DLG2: variants seen among roughly 807,000 people sequenced by gnomAD.
The protein encoded by DLG2 is disks large homolog 2.
DLG2 carries 45 observed loss-of-function variants against 132.5 expected under a neutral mutation model. That is an observed-to-expected ratio of 0.34 (90% CI 0.27 to 0.44). The LOEUF is 0.44. DLG2 is among the 20% of genes least tolerant of loss of function. The pLI is 1.00. For synonymous variants in DLG2, 424 were observed against 419.6 expected (o/e 1.01, Z -0.13); for missense variants, 1,045 against 1,196.9 (o/e 0.87, Z 1.87).
At chr11:83,668,684 T>TATATATATGTGTATATAAACAC (rs71066057) in intron 18 of DLG2, among the ~76,000 whole-genome samples, 5 of 125,602 alleles carry the variant, frequency 4.0e-5, no homozygotes, top group Non-Finnish European at 6.5e-5. Context: ...TATGTATGTG[T>TATATATATGTGTATATAAACAC]ATATATATGT....
At chr11:84,769,244 T>C (rs969375285) in intron 6 of DLG2, among the ~76,000 whole-genome samples, 14 of 152,092 alleles carry the variant, frequency 9.2e-5, no homozygotes, top group African/African-American at 3.4e-4. Context: ...AAGAAACTTC[T>C]AAAGCAATCT....
rs111928895 is a variant in DLG2 at position 83,831,966 on chromosome 11, A to T, written c.1722+1648T>A. Among the ~76,000 whole-genome samples, 1,448 of 152,258 alleles carry T rather than the reference A, an allele frequency of 9.5e-3. 23 individuals carry two copies. Among genetic ancestry groups the T allele is most frequent in the African/African-American group, 0.033 (1,388 of 41,560 alleles). On this transcript the variant is annotated intron_variant, in intron 17 of 27. Coordinates refer to ENST00000376104, the MANE Select transcript of DLG2 (RefSeq NM_001142699.3). ...AGGGGGAAAGTGGCAATGAGATGGA[A>T]GAATGAAAAGAGGGAGGGAAGGGAT...
At chr11:83,516,041 C>G (rs1310634265) in intron 21 of DLG2, among the ~76,000 whole-genome samples, 1 of 152,170 alleles carries the variant, frequency 6.6e-6, no homozygotes, top group Non-Finnish European at 1.5e-5. Flanking sequence ...TCTATTAGGT[C>G]TGCTTGGTGC....
At chr11:83,766,923 A>C (rs66685127) in intron 18 of DLG2, among the ~76,000 whole-genome samples, 25,448 of 152,150 alleles carry the variant, frequency 0.17, 2,483 homozygotes, top group African/African-American at 0.26. Context: ...CCAGGGAAGA[A>C]ACTGTCTTCA....
chr11:85,521,592 A>G (rs1072253), intron 3 of DLG2, among the ~76,000 whole-genome samples: 27,111 of 152,082 alleles, frequency 0.18, 2,698 homozygotes, highest in East Asian at 0.31. Flanking sequence ...ACAGTTTGGA[A>G]GGCTGAGAAC....
intron 6 of DLG2, among the ~76,000 whole-genome samples, chr11:84,902,139 G>A (rs1392091959): frequency 6.6e-6 from 1 of 152,068 alleles, no homozygotes; most frequent in Non-Finnish European, 1.5e-5. Flanking sequence ...TTCTTGAATG[G>A]AAATCTGGAC....
intron 3 of DLG2, among the ~76,000 whole-genome samples, chr11:85,360,973 T>C (rs993212153): frequency 4.6e-5 from 7 of 152,194 alleles, no homozygotes; most frequent in Non-Finnish European, 8.8e-5. Context: ...TCATTGTATG[T>C]AAAGCTCTTC....
Position 83,472,787 on chromosome 11 carries a change from G to C in DLG2, c.2294-10C>G. On this transcript the variant is annotated splice_polypyrimidine_tract_variant and intron_variant, in intron 22 of 27. Transcript: ENST00000376104. The stretch of plus-strand genomic sequence containing the variant: ...AGGTCTTCTTGTCCTCCTGAGAAGA[G>C]AAGGAAAGAAAACCACAGTGAACTA... 6.2e-7 allele frequency: 1 copy of C among 1,610,652 alleles called. No individual in the cohort carries two copies. The highest frequency in any genetic ancestry group is 8.5e-7 in the Non-Finnish European group (1 of 1,177,940).
intron 7 of DLG2, among the ~76,000 whole-genome samples, chr11:84,314,570 A>G (rs2154393903): frequency 6.6e-6 from 1 of 152,286 alleles, no homozygotes; most frequent in Middle Eastern, 3.4e-3. Context: ...AGGACCTACT[A>G]GAAGTAAAGG....
intron 6 of DLG2, among the ~76,000 whole-genome samples, chr11:85,000,846 T>A (rs75480946): frequency 0.029 from 4,366 of 152,226 alleles, 102 homozygotes; most frequent in East Asian, 0.091. Context: ...GCAATTTTAA[T>A]CTCATCTGAG....
chr11:85,531,182 G>T (rs140393830), intron 3 of DLG2, among the ~76,000 whole-genome samples: 13 of 152,200 alleles, frequency 8.5e-5, no homozygotes, highest in Admixed American at 2.6e-4. Flanking sequence ...TCATTATAGT[G>T]ATATCAAACT....
At chr11:84,565,450 A>G (rs1251414677) in intron 6 of DLG2, among the ~76,000 whole-genome samples, 3 of 152,238 alleles carry the variant, frequency 2.0e-5, no homozygotes, top group African/African-American at 7.2e-5. Flanking sequence ...TAAAGTAACT[A>G]GAACATAATA....
At chr11:83,961,674 C>T (rs995300956) in intron 14 of DLG2, among the ~76,000 whole-genome samples, 1 of 151,910 alleles carries the variant, frequency 6.6e-6, no homozygotes, top group African/African-American at 2.4e-5. Context: ...CATAAAGTGA[C>T]ATTTCTAAAT....
chr11:83,980,246 AACAC>A (rs1353854000), intron 12 of DLG2, among the ~76,000 whole-genome samples: 1 of 152,150 alleles, frequency 6.6e-6, no homozygotes, highest in Non-Finnish European at 1.5e-5. Context: ...TCTCTGCATA[AACAC>A]CCAGGAAAGG....
chr11:84,938,391 T>C (rs1244571985), intron 6 of DLG2, among the ~76,000 whole-genome samples: 2 of 152,172 alleles, frequency 1.3e-5, no homozygotes, highest in African/African-American at 2.4e-5. Flanking sequence ...AAATCATAAA[T>C]TATGAATTTA....
intron 11 of DLG2, among the ~76,000 whole-genome samples, chr11:84,015,606 G>T (rs576446359): frequency 6.6e-6 from 1 of 152,144 alleles, no homozygotes; most frequent in South Asian, 2.1e-4. Context: ...TTATCAGTCA[G>T]CTCCCAGTTA....
chr11:84,732,907 T>C lies in DLG2; in HGVS notation c.358-198176A>G, dbSNP rs573681172. ...CATGTGATGTTTGGTTTTTTGTCCTTGCGATAGTTTGCTGAGAATGATGGT... is the reference window on the plus strand; with the variant it reads ...CATGTGATGTTTGGTTTTTTGTCCTCGCGATAGTTTGCTGAGAATGATGGT... On this transcript the variant is annotated intron_variant, in intron 6 of 27. Transcript: ENST00000376104. Among the ~76,000 whole-genome samples the C allele has an allele frequency of 1.1e-4, 17 of 152,126 alleles. 1 individual carries two copies. In the South Asian group the frequency reaches 3.5e-3, roughly 32 times the overall value.
chr11:83,961,125 A>C (rs983491356), intron 14 of DLG2, among the ~76,000 whole-genome samples: 5 of 152,100 alleles, frequency 3.3e-5, no homozygotes, highest in Non-Finnish European at 7.4e-5. Context: ...ATAATGTGCC[A>C]GGCACCTTTC....
intron 3 of DLG2, among the ~76,000 whole-genome samples, chr11:85,458,153 T>C (rs2092480649): frequency 6.6e-6 from 1 of 152,226 alleles, no homozygotes; most frequent in Non-Finnish European, 1.5e-5. Flanking sequence ...TTCTTCTTCA[T>C]TTTTGTCTGA....
Sources: gnomAD v4.1 joint callset for allele counts (sites outside exome capture counted in the v4.1 genomes callset) on GRCh38, gnomAD v4.1.1 for gene constraint, MANE v1.5 for transcripts, NCBI Gene and HGNC (gene_info 2026-07-23, HGNC 2026-07-21) for gene names.